Variants in CA6 observed in about 807,000 individuals in gnomAD.
CA6 encodes carbonic anhydrase 6.
CA6 carries 28 observed loss-of-function variants against 35.9 expected under a neutral mutation model. The observed-to-expected ratio is 0.78, with a 90% CI of 0.58 to 1.07. The LOEUF is 1.07. CA6 is among the 50% of genes least tolerant of loss of function. The pLI is 0.00. For missense variants in CA6, 377 were observed against 382.0 expected, an observed-to-expected ratio of 0.99 and a Z score of 0.11; for synonymous variants, 148 against 152.6, an observed-to-expected ratio of 0.97 and a Z score of 0.22.
At chr1:8,970,205 C>CAAAAAAAA in intron 6 of CA6, among the ~76,000 whole-genome samples, 2 of 88,036 alleles carry the variant, frequency 2.3e-5, no homozygotes, top group Non-Finnish European at 4.6e-5. Context: ...ACTCTGGTCT[C>CAAAAAAAA]AAAAAAAAAA....
At chr1:8,964,115 C>T (rs957492268) in intron 5 of CA6, among the ~76,000 whole-genome samples, 10 of 152,330 alleles carry the variant, frequency 6.6e-5, no homozygotes, top group East Asian at 3.9e-4. Flanking sequence ...TCAGCTGCAA[C>T]GGATGACAAA....
intron 2 of CA6, among the ~76,000 whole-genome samples, chr1:8,949,647 C>T (rs12738365): frequency 0.36 from 55,266 of 151,866 alleles, 10,465 homozygotes; most frequent in Middle Eastern, 0.49. Context: ...ATCCATCTTT[C>T]GACTCAACTC....
intron 5 of CA6, 57 bp downstream of exon 5, chr1:8,962,713 G>GTGAGTT: frequency 6.8e-7 from 1 of 1,471,968 alleles, no homozygotes; most frequent in African/African-American, 1.4e-5. Context: ...GAGTGTGAGT[G>GTGAGTT]TGAGGTGGGC....
At position 8,959,008 on chromosome 1, in the gene CA6, C is replaced by G; in HGVS notation, c.501+6C>G. The stretch of plus-strand genomic sequence containing the variant: ...TACTGGCAGCCTTCGTTGAGGTAAG[C>G]AGAAACTACCCATGTGTGTCTGTAT... On this transcript the variant is annotated splice_donor_region_variant and intron_variant, in intron 4 of 7. Coordinates refer to ENST00000377443, the MANE Select transcript of CA6 (RefSeq NM_001215.4). 6.4e-7 allele frequency: 1 copy of G among 1,558,720 alleles called. No individual in the cohort carries two copies.
At position 8,967,822 on chromosome 1, in the gene CA6, G is replaced by T. The variant is rs368725454; in HGVS notation, c.729+6G>T. 1 of 1,613,238 alleles carries T rather than the reference G, an allele frequency of 6.2e-7. No homozygotes were observed. Among genetic ancestry groups the T allele is most frequent in the Non-Finnish European group, 8.5e-7 (1 of 1,179,684 alleles). ...TCAAGCTCTCCAGGACACAGGTAAT[G>T]TATGGTATCACTTTGCCGAAGTCTT... On this transcript the variant is annotated splice_donor_region_variant and intron_variant, in intron 6 of 7. Transcript: ENST00000377443.
At chr1:8,968,258 A>G (rs1640022876) in intron 6 of CA6, among the ~76,000 whole-genome samples, 2 of 151,922 alleles carry the variant, frequency 1.3e-5, no homozygotes, top group African/African-American at 2.4e-5. Context: ...GAGCCACTGC[A>G]CCCGGCCATC....
chr1:8,959,312 T>A (rs542851350), intron 4 of CA6, among the ~76,000 whole-genome samples: 265 of 151,122 alleles, frequency 1.8e-3, no homozygotes, highest in African/African-American at 6.1e-3. Flanking sequence ...ACCTCTGCAT[T>A]TCCTTTTTTT....
Position 8,957,169 on chromosome 1 carries a change from AC to A in CA6, c.293del (p.Thr98LysfsTer9). ...CAGCCTGCCCTCCACCATGCGCATG[AC>A]AGTGGCTGACGGCACTGTATACATA... Reference protein sequence around the residue: ...QISLPSTMRMTVADGTVYIAQ... With the variant: ...QISLPSTMRMXVADGTVYIAQ... On this transcript the variant is annotated frameshift_variant, in exon 3 of 8. Coordinates refer to ENST00000377443, the MANE Select transcript of CA6 (RefSeq NM_001215.4). LOFTEE classifies it high-confidence loss of function. 1 of 1,613,474 alleles carries A rather than the reference AC, an allele frequency of 6.2e-7. No individual in the cohort carries two copies. Among genetic ancestry groups the A allele is most frequent in the Non-Finnish European group, 8.5e-7 (1 of 1,179,672 alleles).
chr1:8,960,743 AAC>A (rs113532929), intron 4 of CA6, among the ~76,000 whole-genome samples: 20,874 of 108,840 alleles, frequency 0.19, 2,053 homozygotes, highest in South Asian at 0.27. Flanking sequence ...CAAGTATAGC[AAC>A]ACACACACAC....
intron 3 of CA6, among the ~76,000 whole-genome samples, chr1:8,957,653 A>G (rs1013807258): frequency 1.3e-5 from 2 of 151,580 alleles, no homozygotes; most frequent in African/African-American, 4.8e-5. Flanking sequence ...CACTTTTCTT[A>G]TTAAAATAGC....
intron 2 of CA6, among the ~76,000 whole-genome samples, chr1:8,954,410 C>T (rs552379106): frequency 2.6e-5 from 4 of 152,270 alleles, no homozygotes; most frequent in South Asian, 2.1e-4. Flanking sequence ...AGTGATCTGC[C>T]TGCTTCGGCC....
chr1:8,970,314 T>C (rs549988178), intron 6 of CA6, among the ~76,000 whole-genome samples: 2 of 152,058 alleles, frequency 1.3e-5, no homozygotes, highest in Non-Finnish European at 2.9e-5. Context: ...TTTCTACTAC[T>C]GGACAAATAC....
At chr1:8,946,915 T>C (rs1257091500) in intron 1 of CA6, among the ~76,000 whole-genome samples, 2 of 151,230 alleles carry the variant, frequency 1.3e-5, no homozygotes, top group East Asian at 1.9e-4. Flanking sequence ...GCGATTCTCA[T>C]GTCTTAGCCT....
intron 4 of CA6, among the ~76,000 whole-genome samples, chr1:8,962,341 A>G (rs895684113): frequency 1.3e-5 from 2 of 152,060 alleles, no homozygotes; most frequent in African/African-American, 4.8e-5. Flanking sequence ...AATGACTGAC[A>G]AGCTTCTTTC....
intron 5 of CA6, among the ~76,000 whole-genome samples, chr1:8,966,105 T>C (rs1030989231): frequency 2.6e-5 from 4 of 152,118 alleles, no homozygotes; most frequent in African/African-American, 9.7e-5. Flanking sequence ...GTAATCTATG[T>C]TTTTTTAATT....
chr1:8,955,615 T>TCCACACCTCCTTTTAA (rs1308938753), intron 2 of CA6, among the ~76,000 whole-genome samples: 2 of 151,424 alleles, frequency 1.3e-5, no homozygotes, highest in African/African-American at 4.9e-5. Flanking sequence ...TCACTGACCT[T>TCCACACCTCCTTTTAA]GCACGCCTCC....
chr1:8,974,482 G>C, intron 7 of CA6, 140 bp from the exon 8 acceptor site: 4 of 1,483,806 alleles, frequency 2.7e-6, no homozygotes, highest in Non-Finnish European at 3.6e-6. Context: ...GCAATGCACC[G>C]GGCACGTGGA....
intron 5 of CA6, among the ~76,000 whole-genome samples, chr1:8,967,012 G>A (rs757696576): frequency 1.3e-5 from 2 of 151,960 alleles, no homozygotes; most frequent in Non-Finnish European, 2.9e-5. Flanking sequence ...TTGTAGAGAC[G>A]GGGCCTCCCT....
At chr1:8,948,079 C>T (rs1292365742) in intron 1 of CA6, among the ~76,000 whole-genome samples, 1 of 152,022 alleles carries the variant, frequency 6.6e-6, no homozygotes, top group East Asian at 1.9e-4. Flanking sequence ...AGCTCCCAAC[C>T]TTAGGTGATC....
Sources: allele counts gnomAD v4.1 joint callset (sites outside exome capture counted in the v4.1 genomes callset), GRCh38; gene constraint gnomAD v4.1.1; transcripts MANE v1.5; gene names NCBI Gene and HGNC (gene_info 2026-07-23, HGNC 2026-07-21).